PPFIA4: variants seen among roughly 807,000 people sequenced by gnomAD.
PPFIA4 encodes PPFI scaffold protein A4.
Under a neutral mutation model 145.7 loss-of-function variants are expected in PPFIA4, and 98 were observed. That is an observed-to-expected ratio of 0.67 (90% CI 0.57 to 0.80). The LOEUF (loss-of-function observed/expected upper bound fraction) is 0.80, where lower values mean the gene tolerates loss of function less well. Ranked by LOEUF, PPFIA4 falls within the 30% of genes least tolerant of loss-of-function variation. The pLI, the probability that PPFIA4 is intolerant of heterozygous loss-of-function variation, is 0.00. For synonymous variants in PPFIA4, 628 were observed against 649.6 expected, an observed-to-expected ratio of 0.97 and a Z score of 0.51; for missense variants, 1,457 against 1,632.7, an observed-to-expected ratio of 0.89 and a Z score of 1.85.
At chr1:203,065,352 G>A (rs1373026580) in intron 25 of PPFIA4, among the ~76,000 whole-genome samples, 1 of 151,762 alleles carries the variant, frequency 6.6e-6, no homozygotes, top group Non-Finnish European at 1.5e-5. Context: ...AAAAGGAATC[G>A]TTTTTCTCTG....
intron 2 of PPFIA4, among the ~76,000 whole-genome samples, chr1:203,040,830 C>T (rs1233504954): frequency 6.6e-6 from 1 of 152,184 alleles, no homozygotes; most frequent in African/African-American, 2.4e-5. Flanking sequence ...CAAGATCATA[C>T]AGCTAACAGG....
intron 28 of PPFIA4, among the ~76,000 whole-genome samples, chr1:203,073,923 A>G (rs1168640337): frequency 2.0e-5 from 3 of 152,154 alleles, no homozygotes; most frequent in Non-Finnish European, 4.4e-5. Context: ...CTGCATAAAG[A>G]GCCAGCTGCC....
intron 12 of PPFIA4, among the ~76,000 whole-genome samples, chr1:203,049,304 T>C (rs1201781166): frequency 3.9e-5 from 6 of 152,154 alleles, no homozygotes; most frequent in Admixed American, 3.9e-4. Flanking sequence ...TGGGAGGATT[T>C]GCCTCCGTCC....
chr1:203,043,992 T>G lies in PPFIA4; in HGVS notation c.398T>G (p.Val133Gly), dbSNP rs762263697. The G allele has an allele frequency of 1.5e-5, 24 of 1,612,230 alleles. No homozygotes were observed. The Admixed American group carries it at 2.2e-4, about 15-fold the overall frequency. ...SRHERSLRMT[V>G]VKRQAQSPSG... is the part of the protein sequence containing the mutation. ...CATGAACGGTCACTGCGGATGACTGTGGTGAAGCGCCAGGCCCAGTCACCT... is the reference window on the plus strand; with the variant it reads ...CATGAACGGTCACTGCGGATGACTGGGGTGAAGCGCCAGGCCCAGTCACCT... The change falls in exon 4 of 30, where the codon GTG (valine) becomes GGG (glycine). Residue 133 changes from valine (V) to glycine (G), a missense_variant. Transcript: ENST00000295706. The surrounding 1 kb of genome is among the most constrained non-coding windows in gnomAD (Gnocchi z 4.4).
rs368229547 is a variant in PPFIA4 at position 203,075,672 on chromosome 1, G to A, written c.3489G>A (p.Ala1163=). ...HGRGGMLSAS[A]ETLPAGFRVS... is the part of the protein sequence containing the mutation. ...GCGGCGGCATGCTCAGCGCTTCCGC[G>A]GAGACCCTCCCGGCGGGCTTCCGTG... The change falls in exon 29 of 30, where the codon GCG becomes GCA. Residue 1163 remains alanine (A), a synonymous_variant. Coordinates refer to ENST00000295706, the MANE Select transcript of PPFIA4 (RefSeq NM_001304331.2). This position sits in a 1 kb window ranked among gnomAD's most constrained non-coding sequence, Gnocchi z 4.1. 20 of 1,502,856 alleles carry A rather than the reference G, an allele frequency of 1.3e-5. No homozygotes were observed. Among genetic ancestry groups the A allele is most frequent in the Admixed American group, 6.7e-5 (3 of 44,626 alleles). The allele number at this position is 1,502,856 out of a possible 1,614,324, so 93.1% of individuals were successfully genotyped here. A position where few individuals can be genotyped will look rare whatever the true frequency, so the allele number is the denominator to read the frequency against.
chr1:203,069,870 G>A (rs187764277), intron 27 of PPFIA4, among the ~76,000 whole-genome samples: 10 of 149,806 alleles, frequency 6.7e-5, no homozygotes, highest in Admixed American at 5.4e-4. Flanking sequence ...TGCCCACTTC[G>A]GGCAAGCCTC....
chr1:203,028,014 T>A (rs1189733927), intron 1 of PPFIA4, among the ~76,000 whole-genome samples: 1 of 152,194 alleles, frequency 6.6e-6, no homozygotes, highest in East Asian at 1.9e-4. Flanking sequence ...TTTTCTCAGA[T>A]TTTGTCCTGA....
At chr1:203,044,614 A>G in intron 5 of PPFIA4, 82 bp from the exon 6 acceptor site, 2 of 1,434,500 alleles carry the variant, frequency 1.4e-6, no homozygotes, top group Non-Finnish European at 1.9e-6. Context: ...TTTTTAACTA[A>G]GACAGGGGCT....
At chr1:203,028,242 G>A (rs1006036982) in intron 1 of PPFIA4, among the ~76,000 whole-genome samples, 8 of 152,272 alleles carry the variant, frequency 5.3e-5, no homozygotes, top group Admixed American at 5.2e-4. Flanking sequence ...TGTCAGAACC[G>A]TGTGGTGCAT....
chr1:203,076,243 A>C (rs903980144), intron 29 of PPFIA4, 98 bp from the exon 30 acceptor site: 1 of 1,359,394 alleles, frequency 7.4e-7, no homozygotes, highest in Non-Finnish European at 1.0e-6. Flanking sequence ...CGCTTGGAGC[A>C]CGCTGCGTTG....
Position 203,053,742 on chromosome 1 carries a change from C to G in PPFIA4, c.1621-11C>G. Reference sequence around the variant, plus strand: ...CTTATTACGACTCCTTTACCCTCCTCCTTTGCTAAGGACTGGGAGACTTCT... The same window carrying G: ...CTTATTACGACTCCTTTACCCTCCTGCTTTGCTAAGGACTGGGAGACTTCT... On this transcript the variant is annotated splice_polypyrimidine_tract_variant and intron_variant, in intron 14 of 29. Transcript: ENST00000295706. 6.5e-7 allele frequency: 1 copy of G among 1,549,796 alleles called. No individual in the cohort carries two copies.
chr1:203,071,413 T>C (rs1269918304), intron 27 of PPFIA4, among the ~76,000 whole-genome samples: 2 of 90,316 alleles, frequency 2.2e-5, no homozygotes, highest in Non-Finnish European at 4.7e-5. Context: ...CCTTGTGATC[T>C]ACCCGCCTCG....
In PPFIA4 at chr1:203,051,802, C is replaced by T. The variant is rs1280011273; in HGVS notation, c.1545C>T (p.Phe515=). ...TGGGCAGTGCAGCAGACGTGCGGTT[C>T]TCCCTGGGCACAACCACACACGCAC... The part of the protein sequence containing the change: ...SHMGSAADVR[F]SLGTTTHAPP... Residue 515 remains phenylalanine (F), a synonymous_variant, in exon 14 of 30, where the codon TTC becomes TTT. Coordinates refer to ENST00000295706, the MANE Select transcript of PPFIA4 (RefSeq NM_001304331.2). The T allele has an allele frequency of 6.2e-7, 1 of 1,613,600 alleles. No homozygotes were observed. Among genetic ancestry groups the T allele is most frequent in the African/African-American group, 1.3e-5 (1 of 74,952 alleles).
intron 1 of PPFIA4, among the ~76,000 whole-genome samples, chr1:203,032,430 T>TTTTTTTTTTTTTTTTTTTGTTG (rs57892403): frequency 7.2e-6 from 1 of 139,380 alleles, no homozygotes; most frequent in South Asian, 2.3e-4. Context: ...TCCCCGCTTT[T>TTTTTTTTTTTTTTTTTTTGTTG]TTGTTGTTGT....
Position 203,038,824 on chromosome 1 carries a change from C to G in PPFIA4, c.-185C>G. 1 of 509,332 alleles carries G rather than the reference C, an allele frequency of 2.0e-6. No homozygotes were observed. Among genetic ancestry groups the G allele is most frequent in the South Asian group, 2.6e-5 (1 of 38,842 alleles). The allele number at this position is 509,332 out of a possible 1,614,324, so 31.6% of individuals were successfully genotyped here. A position where few individuals can be genotyped will look rare whatever the true frequency, so the allele number is the denominator to read the frequency against. On this transcript the variant is annotated 5_prime_UTR_variant, in exon 2 of 30. Coordinates refer to ENST00000295706, the MANE Select transcript of PPFIA4 (RefSeq NM_001304331.2). ...GCCTTCTGGCTCAGTTCCACAGGGG[C>G]ACTCCAGACCCCAGGCCCCTTTCAG...
chr1:203,059,090 C>A, intron 19 of PPFIA4, 88 bp from the exon 20 acceptor site: 1 of 1,064,002 alleles, frequency 9.4e-7, no homozygotes, highest in Non-Finnish European at 1.4e-6. Context: ...GCCAAGGAGC[C>A]TCCTGCTGCT....
chr1:203,072,457 A>G (rs1054466399), intron 28 of PPFIA4, among the ~76,000 whole-genome samples: 9 of 152,214 alleles, frequency 5.9e-5, no homozygotes, highest in Non-Finnish European at 2.9e-5. Context: ...TCTAAGCCAT[A>G]TGGTCCCCTT....
chr1:203,034,515 AAG>A (rs1659077152), intron 1 of PPFIA4: 1 of 456,570 alleles, frequency 2.2e-6, no homozygotes, highest in Admixed American at 2.3e-5. Context: ...GAGGGCTCCG[AAG>A]AGTGTCTGTT....
Position 203,075,823 on chromosome 1 carries a change from AGGG to A in PPFIA4, c.3574+67_3574+69del. ...AGCGCGGGCTTCTTCCTGGCACCCC[AGGG>A]CCGGGCCGGGTGGAGAGGGGCGAGG... is the stretch of plus-strand genomic sequence containing the variant. On this transcript the variant is annotated intron_variant, in intron 29 of 29. Coordinates refer to ENST00000295706, the MANE Select transcript of PPFIA4 (RefSeq NM_001304331.2). This position sits in a 1 kb window ranked among gnomAD's most constrained non-coding sequence, Gnocchi z 4.1. 7 of 1,330,568 alleles carry A rather than the reference AGGG, an allele frequency of 5.3e-6. No homozygotes were observed. Among genetic ancestry groups the A allele is most frequent in the Non-Finnish European group, 6.8e-6 (7 of 1,032,986 alleles). 82.4% of individuals were successfully genotyped at this position (1,330,568 alleles called of 1,614,324 possible). A position where few individuals can be genotyped will look rare whatever the true frequency, so the allele number is the denominator to read the frequency against.
Sources: gnomAD v4.1 joint callset for allele counts (sites outside exome capture counted in the v4.1 genomes callset) on GRCh38, gnomAD v4.1.1 for gene constraint, Gnocchi (gnomAD v3.1) non-coding constraint, MANE v1.5 for transcripts, NCBI Gene and HGNC (gene_info 2026-07-23, HGNC 2026-07-21) for gene names.